DAB1: variants seen among roughly 807,000 people sequenced by gnomAD.
DAB1 encodes disabled homolog 1.
A neutral mutation model predicts 64.6 loss-of-function variants in DAB1; 15 were observed. That is an observed-to-expected ratio of 0.23 (90% CI 0.16 to 0.36). The LOEUF is 0.36. Ranked by LOEUF, DAB1 falls within the 10% of genes least tolerant of loss-of-function variation. DAB1 has a pLI of 1.00. For missense variants in DAB1, 596 were observed against 706.7 expected, an observed-to-expected ratio of 0.84 and a Z score of 1.78; for synonymous variants, 235 against 251.9, an observed-to-expected ratio of 0.93 and a Z score of 0.64.
intron 4 of DAB1, among the ~76,000 whole-genome samples, chr1:58,248,772 A>G (rs1055153836): frequency 2.0e-5 from 3 of 152,126 alleles, no homozygotes; most frequent in African/African-American, 7.2e-5. Context: ...TACTGCAGTG[A>G]CAAACCCCGC....
At chr1:57,572,134 C>T (rs149542313) in intron 7 of DAB1, among the ~76,000 whole-genome samples, 184 of 152,260 alleles carry the variant, frequency 1.2e-3, no homozygotes, top group Middle Eastern at 3.4e-3. Flanking sequence ...GAAAACAAAG[C>T]CTGAACCTGC....
intron 3 of DAB1, among the ~76,000 whole-genome samples, chr1:58,502,662 C>A (rs1645924960): frequency 6.6e-6 from 1 of 152,118 alleles, no homozygotes; most frequent in South Asian, 2.1e-4. Flanking sequence ...CTATATACTG[C>A]CTGAGAAACT....
At chr1:57,818,619 C>T (rs1437482146) in intron 6 of DAB1, among the ~76,000 whole-genome samples, 1 of 151,840 alleles carries the variant, frequency 6.6e-6, no homozygotes, top group Non-Finnish European at 1.5e-5. Flanking sequence ...CTTGTGAAAC[C>T]CTACGCATTA....
chr1:57,734,948 G>C (rs1647613023), intron 6 of DAB1, among the ~76,000 whole-genome samples: 1 of 152,134 alleles, frequency 6.6e-6, no homozygotes. Flanking sequence ...CAGAAGAATT[G>C]TTTTCTATTG....
chr1:57,594,373 G>A (rs1194343012), intron 7 of DAB1, among the ~76,000 whole-genome samples: 2 of 152,140 alleles, frequency 1.3e-5, no homozygotes, highest in African/African-American at 4.8e-5. Context: ...TTTAACAAAT[G>A]AAGCCACCAG....
intron 7 of DAB1, among the ~76,000 whole-genome samples, chr1:57,569,956 T>G (rs1044917907): frequency 6.6e-6 from 1 of 152,136 alleles, no homozygotes; most frequent in African/African-American, 2.4e-5. Flanking sequence ...TTGAAGATTA[T>G]GTATGATCTC....
At chr1:58,536,066 AATT>A (rs1479128842) in intron 1 of DAB1, among the ~76,000 whole-genome samples, 1 of 152,196 alleles carries the variant, frequency 6.6e-6, no homozygotes, top group Non-Finnish European at 1.5e-5. Flanking sequence ...TTATGCAAAT[AATT>A]ATGTTACTCT....
At chr1:57,413,855 G>C (rs1343029312) in intron 1 of DAB1, among the ~76,000 whole-genome samples, 1 of 151,592 alleles carries the variant, frequency 6.6e-6, no homozygotes, top group Non-Finnish European at 1.5e-5. Context: ...GGAAGAAGTT[G>C]ATTCATGGCT....
In DAB1 at chr1:57,198,231, G is replaced by A. The variant is rs538037425; in HGVS notation, c.68-52802C>T. ...ACATCTCCCTCCCTCCCTTCCTAGTGTCTATGAACTGTACATTTAGAAATC... is the reference window on the plus strand; with the variant it reads ...ACATCTCCCTCCCTCCCTTCCTAGTATCTATGAACTGTACATTTAGAAATC... On this transcript the variant is annotated intron_variant, in intron 2 of 14. Coordinates refer to ENST00000371236, the MANE Select transcript of DAB1 (RefSeq NM_001365792.1). 7.3e-5 allele frequency among the ~76,000 whole-genome samples: 11 copies of A among 151,400 alleles called. No homozygotes were observed. In the South Asian group the frequency reaches 2.3e-3, roughly 32 times the overall value.
chr1:57,427,997 G>C (rs1327292498), upstream of DAB1, among the ~76,000 whole-genome samples: 1 of 151,990 alleles, frequency 6.6e-6, no homozygotes, highest in Admixed American at 6.6e-5. Flanking sequence ...GTGAAACCCC[G>C]TCTCTACTAA....
At chr1:57,003,504 T>G (rs901854254) in intron 14 of DAB1, among the ~76,000 whole-genome samples, 1 of 151,692 alleles carries the variant, frequency 6.6e-6, no homozygotes, top group South Asian at 2.1e-4. Flanking sequence ...TTTTTTTTTT[T>G]AATCTTTTTT....
intron 2 of DAB1, among the ~76,000 whole-genome samples, chr1:57,268,575 A>C (rs1670758432): frequency 6.6e-6 from 1 of 152,164 alleles, no homozygotes; most frequent in Non-Finnish European, 1.5e-5. Context: ...GAGGTGAAAA[A>C]TAAAAAAACC....
intron 2 of DAB1, among the ~76,000 whole-genome samples, chr1:58,513,668 G>C (rs1290407939): frequency 2.6e-5 from 4 of 152,026 alleles, no homozygotes; most frequent in Admixed American, 1.3e-4. Context: ...GAAATATCTG[G>C]GTTCAAAATA....
chr1:57,037,167 G>A (rs1049644639), intron 9 of DAB1, among the ~76,000 whole-genome samples: 2 of 152,104 alleles, frequency 1.3e-5, no homozygotes, highest in Non-Finnish European at 2.9e-5. Flanking sequence ...ATGTGCAGCC[G>A]GATTTGCAAA....
intron 1 of DAB1, among the ~76,000 whole-genome samples, chr1:57,388,383 G>A (rs1682061875): frequency 6.6e-6 from 1 of 152,120 alleles, no homozygotes; most frequent in Admixed American, 6.5e-5. Context: ...CTCCCTCAGA[G>A]TCCCATGGGC....
intron 7 of DAB1, among the ~76,000 whole-genome samples, chr1:57,451,626 G>GA (rs1373418618): frequency 6.6e-6 from 1 of 152,120 alleles, no homozygotes; most frequent in Non-Finnish European, 1.5e-5. Context: ...TAAATTCTTA[G>GA]AAAATCATTC....
chr1:57,420,823 C>G (rs916752311), intron 1 of DAB1, among the ~76,000 whole-genome samples: 6 of 152,182 alleles, frequency 3.9e-5, no homozygotes, highest in Non-Finnish European at 8.8e-5. Flanking sequence ...AACTCAACCA[C>G]GAGTATTCTT....
chr1:58,299,334 G>A (rs1374982917), intron 4 of DAB1, among the ~76,000 whole-genome samples: 2 of 152,164 alleles, frequency 1.3e-5, no homozygotes, highest in Non-Finnish European at 2.9e-5. Context: ...GAGGTATGAT[G>A]GTTTACTTCA....
rs1177955216 is a variant in DAB1 at position 57,057,601 on chromosome 1, A to G, written c.723+5283T>C. Among the ~76,000 whole-genome samples, 60 of 142,386 alleles carry G rather than the reference A, an allele frequency of 4.2e-4. No individual in the cohort carries two copies. The Admixed American group carries it at 4.4e-3, about 10-fold the overall frequency. 93.4% of individuals were successfully genotyped at this position (142,386 alleles called of 152,430 possible). On this transcript the variant is annotated intron_variant, in intron 9 of 14. Coordinates refer to ENST00000371236, the MANE Select transcript of DAB1 (RefSeq NM_001365792.1). Reference sequence around the variant, plus strand: ...AGGGGTTTTGGGGTAGAAGGACTACACTGATTCTTTTTTTTTTTTTTTTGG... The same window carrying G: ...AGGGGTTTTGGGGTAGAAGGACTACGCTGATTCTTTTTTTTTTTTTTTTGG...
Sources: gnomAD v4.1 joint callset for allele counts (sites outside exome capture counted in the v4.1 genomes callset) on GRCh38, gnomAD v4.1.1 for gene constraint, MANE v1.5 for transcripts, NCBI Gene and HGNC (gene_info 2026-07-23, HGNC 2026-07-21) for gene names.